GABRG3: variants seen among roughly 807,000 people sequenced by gnomAD.
GABRG3 encodes the protein gamma-aminobutyric acid receptor subunit gamma-3.
In GABRG3, 25 loss-of-function variants were observed where a neutral mutation model predicts 48.8. The ratio of observed to expected loss-of-function variants is 0.51; its 90% CI spans 0.37 to 0.72. The LOEUF (loss-of-function observed/expected upper bound fraction) is 0.72. Among genes scored for constraint, GABRG3 ranks in the 30% least tolerant of loss-of-function variants. The pLI is 0.00. For missense variants in GABRG3, 394 were observed against 577.9 expected (o/e 0.68, Z 3.26); for synonymous variants, 227 against 217.6 (o/e 1.04, Z -0.38).
chr15:27,293,115 A>G (rs1179501008), intron 3 of GABRG3, among the ~76,000 whole-genome samples: 3 of 152,204 alleles, frequency 2.0e-5, no homozygotes, highest in African/African-American at 4.8e-5. Flanking sequence ...ACTGACTGCT[A>G]CTACTAATGT....
At chr15:27,181,747 G>C (rs1243149124) in intron 3 of GABRG3, among the ~76,000 whole-genome samples, 1 of 152,090 alleles carries the variant, frequency 6.6e-6, no homozygotes, top group Non-Finnish European at 1.5e-5. Flanking sequence ...AACAGCAGTG[G>C]ACAAAAGATC....
At chr15:27,189,227 A>G (rs1275584328) in intron 3 of GABRG3, among the ~76,000 whole-genome samples, 5 of 151,560 alleles carry the variant, frequency 3.3e-5, no homozygotes, top group South Asian at 2.1e-4. Context: ...TTTTGGTTCC[A>G]TATGAACTTT....
chr15:27,025,024 CAAAAA>C (rs34897569), intron 2 of GABRG3, among the ~76,000 whole-genome samples: 1 of 91,638 alleles, frequency 1.1e-5, no homozygotes. Flanking sequence ...GACCCTGTCT[CAAAAA>C]AAAAAAAAAA....
intron 3 of GABRG3, among the ~76,000 whole-genome samples, chr15:27,195,786 C>G (rs1016342338): frequency 6.6e-6 from 1 of 152,180 alleles, no homozygotes; most frequent in African/African-American, 2.4e-5. Context: ...AGGTGCCCAC[C>G]ACCATGCCTG....
At chr15:27,529,623 G>A (rs1478735937) in intron 9 of GABRG3, among the ~76,000 whole-genome samples, 4 of 151,578 alleles carry the variant, frequency 2.6e-5, no homozygotes, top group Non-Finnish European at 5.9e-5. Context: ...AGTTCTTCCA[G>A]AACGTTAGTG....
At chr15:27,215,487 A>G (rs2140437377) in intron 3 of GABRG3, among the ~76,000 whole-genome samples, 1 of 152,318 alleles carries the variant, frequency 6.6e-6, no homozygotes, top group Middle Eastern at 3.4e-3. Flanking sequence ...ACTGTCTGCA[A>G]GCTCTGACCC....
At chr15:27,340,561 A>G (rs532641450) in intron 5 of GABRG3, 1 of 154,534 alleles carries the variant, frequency 6.5e-6, no homozygotes, top group Non-Finnish European at 1.4e-5. Context: ...TCTTGGCATT[A>G]TTGAGACGTT....
chr15:27,290,582 C>G (rs1263423741), intron 3 of GABRG3, among the ~76,000 whole-genome samples: 2 of 152,016 alleles, frequency 1.3e-5, no homozygotes, highest in Non-Finnish European at 2.9e-5. Context: ...TAACACCAAT[C>G]TAATCACTAG....
intron 2 of GABRG3, among the ~76,000 whole-genome samples, chr15:26,997,059 ACAAGTTTGATGATCCT>A (rs1385716185): frequency 6.6e-6 from 1 of 152,134 alleles, no homozygotes; most frequent in Non-Finnish European, 1.5e-5. Context: ...TGATTTATCC[ACAAGTTTGATGATCCT>A]TTCTTCTGCC....
intron 3 of GABRG3, among the ~76,000 whole-genome samples, chr15:27,162,351 T>A (rs986949702): frequency 6.6e-6 from 1 of 152,150 alleles, no homozygotes; most frequent in East Asian, 1.9e-4. Flanking sequence ...TAAAACTGTT[T>A]CACTGAAATC....
chr15:27,407,308 A>G (rs373494805), intron 5 of GABRG3, among the ~76,000 whole-genome samples: 74 of 152,324 alleles, frequency 4.9e-4, no homozygotes, highest in African/African-American at 1.6e-3. Flanking sequence ...GAACACTGAC[A>G]CCAGCAAATG....
intron 3 of GABRG3, chr15:27,295,026 G>C (rs560250773): frequency 2.6e-5 from 4 of 152,212 alleles, no homozygotes; most frequent in African/African-American, 9.6e-5. Flanking sequence ...ATGAAGCACT[G>C]GTCAGATTCC....
chr15:27,453,902 A>G (rs1889184776), intron 5 of GABRG3, among the ~76,000 whole-genome samples: 1 of 152,136 alleles, frequency 6.6e-6, no homozygotes, highest in South Asian at 2.1e-4. Flanking sequence ...ACACCCAGCC[A>G]ACTTCTTAAG....
intron 3 of GABRG3, among the ~76,000 whole-genome samples, chr15:27,311,480 G>A (rs1461278432): frequency 1.3e-5 from 2 of 152,102 alleles, no homozygotes; most frequent in Non-Finnish European, 2.9e-5. Flanking sequence ...CCACCCACAA[G>A]TAAGTGAGAA....
chr15:27,485,423 G>T (rs914861696), intron 6 of GABRG3, among the ~76,000 whole-genome samples: 1 of 152,124 alleles, frequency 6.6e-6, no homozygotes, highest in Non-Finnish European at 1.5e-5. Flanking sequence ...ATCAGGGAGG[G>T]CAAGATAAGG....
At position 27,369,422 on chromosome 15, in the gene GABRG3, G is replaced by C. The variant is rs535154551; in HGVS notation, c.574+40534G>C. ...CCAACCTGTAAACAATGCCATTGTA[G>C]ACAGTTCTGCTTCAACCTGAAATGA... On this transcript the variant is annotated intron_variant, in intron 5 of 9. Transcript: ENST00000615808. Among the ~76,000 whole-genome samples, 8 of 152,304 alleles carry C rather than the reference G, an allele frequency of 5.3e-5. No individual in the cohort carries two copies. The East Asian group carries it at 1.5e-3, about 29-fold the overall frequency.
At chr15:27,343,372 A>G (rs1894256841) in intron 5 of GABRG3, among the ~76,000 whole-genome samples, 1 of 152,232 alleles carries the variant, frequency 6.6e-6, no homozygotes, top group Non-Finnish European at 1.5e-5. Context: ...GAAGTGAAAT[A>G]GTTTCCCCTG....
chr15:27,429,957 G>A (rs1352559867), intron 5 of GABRG3, among the ~76,000 whole-genome samples: 1 of 152,144 alleles, frequency 6.6e-6, no homozygotes, highest in Non-Finnish European at 1.5e-5. Flanking sequence ...TGGTCCTATG[G>A]AAACAATATG....
intron 6 of GABRG3, among the ~76,000 whole-genome samples, chr15:27,512,508 C>T (rs374399724): frequency 4.4e-4 from 67 of 152,138 alleles, no homozygotes; most frequent in African/African-American, 1.6e-3. Context: ...TTTGAAATGC[C>T]TGTTATACCT....
Sources: gnomAD v4.1 joint callset for allele counts (sites outside exome capture counted in the v4.1 genomes callset) on GRCh38, gnomAD v4.1.1 for gene constraint, MANE v1.5 for transcripts, NCBI Gene and HGNC (gene_info 2026-07-23, HGNC 2026-07-21) for gene names.